LGR5: variants seen among roughly 807,000 people sequenced by gnomAD.
LGR5 encodes the protein leucine rich repeat containing G protein-coupled receptor 5.
LGR5 carries 54 observed loss-of-function variants against 76.7 expected under a neutral mutation model. The observed-to-expected ratio is 0.70, with a 90% CI of 0.57 to 0.88. The LOEUF (loss-of-function observed/expected upper bound fraction) is 0.88. Among genes scored for constraint, LGR5 ranks in the 40% least tolerant of loss-of-function variants. The pLI is 0.00. For synonymous variants in LGR5, 406 were observed against 421.9 expected (o/e 0.96, Z 0.46); for missense variants, 1,078 against 1,073.3 (o/e 1.00, Z -0.06).
intron 1 of LGR5, among the ~76,000 whole-genome samples, chr12:71,458,756 G>A (rs2137223050): frequency 6.6e-6 from 1 of 152,236 alleles, no homozygotes; most frequent in Non-Finnish European, 1.5e-5. Flanking sequence ...TGCCCACCTT[G>A]TGCTAGATGC....
intron 1 of LGR5, among the ~76,000 whole-genome samples, chr12:71,474,994 G>C (rs1873264728): frequency 6.6e-6 from 1 of 152,086 alleles, no homozygotes; most frequent in Non-Finnish European, 1.5e-5. Context: ...AAGCATGAGG[G>C]CTTCTGCTTT....
intron 1 of LGR5, among the ~76,000 whole-genome samples, chr12:71,474,146 C>CA (rs5799042): frequency 4.0e-5 from 6 of 150,988 alleles, no homozygotes; most frequent in African/African-American, 9.7e-5. Context: ...AAACTAAATA[C>CA]AAAAAAAAAA....
At chr12:71,484,632 G>C (rs1873750703) in intron 1 of LGR5, among the ~76,000 whole-genome samples, 1 of 150,678 alleles carries the variant, frequency 6.6e-6, no homozygotes, top group South Asian at 2.1e-4. Context: ...GGTTTGGTTT[G>C]CTGTCATTAT....
At chr12:71,473,845 T>C (rs4291766) in intron 1 of LGR5, among the ~76,000 whole-genome samples, 1,840 of 152,228 alleles carry the variant, frequency 0.012, 16 homozygotes, top group Middle Eastern at 0.034. Flanking sequence ...TCATTTGCAA[T>C]CATTAAAAAT....
chr12:71,573,066 T>C lies in LGR5; in HGVS notation c.1208+145T>C, dbSNP rs552081130. The C allele has an allele frequency of 2.6e-5, 15 of 574,656 alleles. 1 individual carries two copies. The East Asian group carries it at 3.6e-4, about 14-fold the overall frequency. 35.6% of individuals were successfully genotyped at this position (574,656 alleles called of 1,614,324 possible). On this transcript the variant is annotated intron_variant, in intron 13 of 17. Coordinates refer to ENST00000266674, the MANE Select transcript of LGR5 (RefSeq NM_003667.4). The stretch of plus-strand genomic sequence containing the variant: ...GCTATGAAACATCAAGTATTTTGCT[T>C]CTGGTAATTTCCAGGAATAAATCTA...
At position 71,530,232 on chromosome 12, in the gene LGR5, C is replaced by T. The variant is rs979879309; in HGVS notation, c.357-4883C>T. 6.6e-5 allele frequency among the ~76,000 whole-genome samples: 10 copies of T among 151,788 alleles called. No individual in the cohort carries two copies. The South Asian group carries it at 1.2e-3, about 19-fold the overall frequency. ...ACAAAATATTTGTTATTAAAGGGAA[C>T]GTTGAATCCAATATAGTTGAGAACC... is the stretch of plus-strand genomic sequence containing the variant. On this transcript the variant is annotated intron_variant, in intron 3 of 17. Transcript: ENST00000266674.
intron 6 of LGR5, 32 bp from the exon 7 acceptor site, chr12:71,559,554 A>C (rs777086847): frequency 1.6e-6 from 2 of 1,250,088 alleles, no homozygotes; most frequent in Admixed American, 3.5e-5. Context: ...GTTTTAAATA[A>C]AAAACTGAAA....
chr12:71,548,620 T>C lies in LGR5; in HGVS notation c.429-4453T>C, dbSNP rs577553770. Among the ~76,000 whole-genome samples, 273 of 152,326 alleles carry C rather than the reference T, an allele frequency of 1.8e-3. 1 individual carries two copies. The highest frequency in any genetic ancestry group is 5.5e-3 in the African/African-American group (227 of 41,570). On this transcript the variant is annotated intron_variant, in intron 4 of 17. Coordinates refer to ENST00000266674, the MANE Select transcript of LGR5 (RefSeq NM_003667.4). Reference sequence around the variant, plus strand: ...ATAATATTTAAAATCATTAAGGTACTTTAGATTTACAAAGTCCTGTTGTGT... The same window carrying C: ...ATAATATTTAAAATCATTAAGGTACCTTAGATTTACAAAGTCCTGTTGTGT...
At chr12:71,505,874 C>T (rs893052330) in intron 2 of LGR5, among the ~76,000 whole-genome samples, 2 of 152,176 alleles carry the variant, frequency 1.3e-5, no homozygotes, top group African/African-American at 4.8e-5. Flanking sequence ...GATTTTCACT[C>T]TAGGTCCCAG....
chr12:71,536,628 C>A (rs930158911), intron 4 of LGR5, among the ~76,000 whole-genome samples: 1 of 152,122 alleles, frequency 6.6e-6, no homozygotes, highest in Non-Finnish European at 1.5e-5. Context: ...GTGATAATGG[C>A]GGTAGCCAGT....
chr12:71,571,479 A>G (rs1321156214), intron 11 of LGR5, 35 bp from the exon 12 acceptor site: 1 of 1,455,288 alleles, frequency 6.9e-7, no homozygotes, highest in East Asian at 2.3e-5. Context: ...TTTATTTGTA[A>G]CAGATTTTCC....
At chr12:71,446,604 C>T (rs543098988) in intron 1 of LGR5, among the ~76,000 whole-genome samples, 1 of 152,260 alleles carries the variant, frequency 6.6e-6, no homozygotes, top group African/African-American at 2.4e-5. Flanking sequence ...TTGAAGTTAT[C>T]TTCAGGGCCA....
In LGR5 at chr12:71,584,204, C is replaced by T. The variant is rs955614696; in HGVS notation, c.2194C>T (p.Leu732Phe). Reference sequence around the variant, plus strand: ...GGGCTACATGGTCGCTCTCATCTTGCTCAATTCCCTTTGCTTCCTCATGAT... The same window carrying T: ...GGGCTACATGGTCGCTCTCATCTTGTTCAATTCCCTTTGCTTCCTCATGAT... ...TMGYMVALIL[L>F]NSLCFLMMTI... The change falls in exon 18 of 18, where the codon CTC becomes TTC. Residue 732 changes from leucine (L) to phenylalanine (F), a missense_variant. By Grantham distance (22) the Leu-to-Phe change is conservative. Coordinates refer to ENST00000266674, the MANE Select transcript of LGR5 (RefSeq NM_003667.4). The T allele has an allele frequency of 6.2e-7, 1 of 1,614,160 alleles. No homozygotes were observed. The highest frequency in any genetic ancestry group is 8.5e-7 in the Non-Finnish European group (1 of 1,180,026).
chr12:71,442,450 C>G (rs1871809504), intron 1 of LGR5, among the ~76,000 whole-genome samples: 1 of 152,088 alleles, frequency 6.6e-6, no homozygotes, highest in Non-Finnish European at 1.5e-5. Flanking sequence ...GTACCCTGGC[C>G]TAAGAAGACA....
intron 1 of LGR5, among the ~76,000 whole-genome samples, chr12:71,496,080 AAG>A (rs1260701734): frequency 6.6e-6 from 1 of 152,170 alleles, no homozygotes; most frequent in East Asian, 1.9e-4. Flanking sequence ...TAAAATAAAA[AAG>A]AGAAAAAAGC....
chr12:71,546,431 T>A (rs550075862), intron 4 of LGR5, among the ~76,000 whole-genome samples: 5 of 152,248 alleles, frequency 3.3e-5, no homozygotes, highest in African/African-American at 1.2e-4. Flanking sequence ...ATGTTTTATT[T>A]TTATTTTACC....
At position 71,578,873 on chromosome 12, in the gene LGR5, A is replaced by G. The variant is rs1878974464; in HGVS notation, c.1350A>G (p.Leu450=). 1 of 1,613,028 alleles carries G rather than the reference A, an allele frequency of 6.2e-7. No individual in the cohort carries two copies. The highest frequency in any genetic ancestry group is 2.2e-5 in the East Asian group (1 of 44,842). ...TACATGGTTTAACTCACTTAAAATT[A>G]ACAGGAAATCATGCCTTACAGAGCT... ...TGLHGLTHLK[L]TGNHALQSLI... Residue 450 remains leucine, a synonymous_variant, in exon 15 of 18, where the codon TTA becomes TTG. Coordinates refer to ENST00000266674, the MANE Select transcript of LGR5 (RefSeq NM_003667.4).
intron 1 of LGR5, among the ~76,000 whole-genome samples, chr12:71,477,006 A>G (rs989586225): frequency 3.9e-5 from 6 of 152,186 alleles, no homozygotes; most frequent in Non-Finnish European, 8.8e-5. Flanking sequence ...AAAACAGGAA[A>G]GAAATTATAG....
In LGR5 at chr12:71,476,174, G is replaced by A. The variant is rs539869493; in HGVS notation, c.213-28440G>A. Among the ~76,000 whole-genome samples, 112 of 152,210 alleles carry A rather than the reference G, an allele frequency of 7.4e-4. 3 individuals carry two copies. The highest frequency in any genetic ancestry group is 6.8e-3 in the Middle Eastern group (2 of 294). Reference sequence around the variant, plus strand: ...GGTTCGCTGGAACACCAACCACTTCGTCTGAATACCAACCTGACCTTACTA... The same window carrying A: ...GGTTCGCTGGAACACCAACCACTTCATCTGAATACCAACCTGACCTTACTA... On this transcript the variant is annotated intron_variant, in intron 1 of 17. Coordinates refer to ENST00000266674, the MANE Select transcript of LGR5 (RefSeq NM_003667.4).
Sources: allele counts gnomAD v4.1 joint callset (sites outside exome capture counted in the v4.1 genomes callset), GRCh38; gene constraint gnomAD v4.1.1; transcripts MANE v1.5; gene names NCBI Gene and HGNC (gene_info 2026-07-23, HGNC 2026-07-21).